ZFX: variants seen among roughly 807,000 people sequenced by gnomAD.
The protein encoded by ZFX is zinc finger X-chromosomal protein.
For missense variants in ZFX, 362 were observed against 628.3 expected, an observed-to-expected ratio of 0.58 and a Z score of 4.53; for synonymous variants, 196 against 226.8, an observed-to-expected ratio of 0.86 and a Z score of 1.22.
chrX:24,208,681 C>T (rs747760812), intron 8 of ZFX, among the ~76,000 whole-genome samples: 3 of 111,264 alleles, frequency 2.7e-5, no homozygotes, highest in South Asian at 3.8e-4. Context: ...GAGTCCATGG[C>T]GCAAAAATGC....
chrX:24,170,573 TTC>T (rs1379843279), intron 3 of ZFX, among the ~76,000 whole-genome samples: 1 of 109,483 alleles, frequency 9.1e-6, no homozygotes, highest in Non-Finnish European at 1.9e-5. Flanking sequence ...CATGTACACT[TTC>T]TGTTTTTCAT....
At chrX:24,200,570 A>G (rs1488348465) in intron 5 of ZFX, among the ~76,000 whole-genome samples, 1 of 111,808 alleles carries the variant, frequency 8.9e-6, no homozygotes, top group Non-Finnish European at 1.9e-5. Context: ...TAAAAAGAGC[A>G]TGTTACAATA....
chrX:24,174,212 C>G (rs1041849609), intron 4 of ZFX, among the ~76,000 whole-genome samples: 22 of 106,929 alleles, frequency 2.1e-4, no homozygotes, highest in Non-Finnish European at 1.9e-5. Flanking sequence ...GACGCAGTCT[C>G]AAAAGAGAAA....
intron 5 of ZFX, among the ~76,000 whole-genome samples, chrX:24,187,263 T>C (rs1476169436): frequency 9.0e-6 from 1 of 111,535 alleles, no homozygotes; most frequent in African/African-American, 3.3e-5. Context: ...AAACCAGTTA[T>C]GTTTTATTCC....
At chrX:24,182,438 G>C (rs1398707519) in intron 5 of ZFX, among the ~76,000 whole-genome samples, 1 of 111,545 alleles carries the variant, frequency 9.0e-6, no homozygotes, top group African/African-American at 3.3e-5. Context: ...GTTTTGGGAA[G>C]AGAAGGAGGA....
chrX:24,183,331 C>G (rs769915086), intron 5 of ZFX, among the ~76,000 whole-genome samples: 1 of 111,522 alleles, frequency 9.0e-6, no homozygotes, highest in Non-Finnish European at 1.9e-5. Flanking sequence ...ATTACAGGCA[C>G]TCGCCACCAT....
At chrX:24,171,727 C>T (rs992062150) in intron 3 of ZFX, among the ~76,000 whole-genome samples, 1 of 111,297 alleles carries the variant, frequency 9.0e-6, no homozygotes, top group Admixed American at 9.6e-5. Flanking sequence ...GAATGTCTTA[C>T]AAGAATTCAA....
intron 1 of ZFX, 197 bp from the exon 2 acceptor site, chrX:24,151,494 A>C (rs1448627394): frequency 9.0e-6 from 1 of 111,534 alleles, no homozygotes; most frequent in African/African-American, 3.3e-5. Context: ...AAGTATTTAC[A>C]GTTTGGCAAA....
At position 24,210,712 on chromosome X, in the gene ZFX, C is replaced by T; in HGVS notation, c.1754C>T (p.Ser585Phe). ...PYQCQYCEYR[S>F]ADSSNLKTHV... is the part of the protein sequence containing the mutation. ...CAATGCCAGTACTGCGAATATAGGT[C>T]TGCAGACTCTTCTAACTTGAAAACG... Residue 585 changes from serine (S) to phenylalanine (F), a missense_variant, in exon 10 of 10, where the codon TCT becomes TTT. Physicochemically the swap from Ser to Phe is radical, Grantham distance 155 (BLOSUM62 -2). Coordinates refer to ENST00000304543, the MANE Select transcript of ZFX (RefSeq NM_003410.4). The T allele has an allele frequency of 8.3e-7, 1 of 1,211,516 alleles. No homozygotes were observed. Among genetic ancestry groups the T allele is most frequent in the Non-Finnish European group, 1.1e-6 (1 of 895,506 alleles).
chrX:24,207,887 T>C, intron 7 of ZFX, 32 bp downstream of exon 7: 1 of 1,202,009 alleles, frequency 8.3e-7, no homozygotes. Context: ...GGGAGAAAAT[T>C]TTATGTTTCT....
chrX:24,160,263 A>G (rs933299605), intron 3 of ZFX, among the ~76,000 whole-genome samples: 4 of 106,439 alleles, frequency 3.8e-5, no homozygotes, highest in Non-Finnish European at 5.8e-5. Context: ...TTTTCTCTAG[A>G]CTATAATTGG....
intron 3 of ZFX, among the ~76,000 whole-genome samples, chrX:24,171,690 G>A (rs1176311057): frequency 4.5e-5 from 5 of 111,406 alleles, no homozygotes; most frequent in African/African-American, 1.6e-4. Context: ...TTTGGCTTAA[G>A]TAGAAAAGGG....
At chrX:24,168,690 T>A (rs1934258265) in intron 3 of ZFX, among the ~76,000 whole-genome samples, 1 of 80,283 alleles carries the variant, frequency 1.2e-5, no homozygotes, top group Non-Finnish European at 2.4e-5. Context: ...TTTTTTTTTT[T>A]ACTTTCTGTC....
At chrX:24,161,563 A>G (rs1286996764) in intron 3 of ZFX, among the ~76,000 whole-genome samples, 1 of 111,987 alleles carries the variant, frequency 8.9e-6, no homozygotes, top group Admixed American at 9.5e-5. Context: ...TAGAGTCCAA[A>G]AGTTGACCTA....
At chrX:24,164,106 TG>T (rs1415138814) in intron 3 of ZFX, among the ~76,000 whole-genome samples, 1 of 110,154 alleles carries the variant, frequency 9.1e-6, no homozygotes, top group East Asian at 2.8e-4. Flanking sequence ...GAGATTTTTT[TG>T]GGGTAAAAAT....
intron 5 of ZFX, among the ~76,000 whole-genome samples, chrX:24,201,678 C>G (rs182092214): frequency 2.7e-5 from 3 of 112,156 alleles, no homozygotes; most frequent in East Asian, 2.8e-4. Context: ...TCCAAACCAC[C>G]TTTAAGAAAA....
At chrX:24,160,040 C>A (rs1273453604) in intron 3 of ZFX, among the ~76,000 whole-genome samples, 1 of 107,902 alleles carries the variant, frequency 9.3e-6, no homozygotes, top group Non-Finnish European at 1.9e-5. Flanking sequence ...TTAGTTTGTT[C>A]CTTTTTTTCT....
intron 5 of ZFX, among the ~76,000 whole-genome samples, chrX:24,206,525 GTGTGTGTGTGTGT>G (rs1937589586): frequency 1.0e-5 from 1 of 96,664 alleles, no homozygotes; most frequent in African/African-American, 4.1e-5. Flanking sequence ...GTGTGTGTGT[GTGTGTGTGTGTGT>G]GTGTGTGTGT....
chrX:24,163,058 A>G (rs907218321), intron 3 of ZFX, among the ~76,000 whole-genome samples: 3 of 110,175 alleles, frequency 2.7e-5, no homozygotes, highest in African/African-American at 9.9e-5. Flanking sequence ...ATCTATCCCA[A>G]TTTGACTCAA....
Sources: allele counts gnomAD v4.1 joint callset (sites outside exome capture counted in the v4.1 genomes callset), GRCh38; gene constraint gnomAD v4.1.1; transcripts MANE v1.5; gene names NCBI Gene and HGNC (gene_info 2026-07-23, HGNC 2026-07-21).